CAMTA1: variants seen among roughly 807,000 people sequenced by gnomAD.
The protein encoded by CAMTA1 is calmodulin binding transcription activator 1, also known as calmodulin-binding transcription activator 1.
In CAMTA1, 27 loss-of-function variants were observed where a neutral mutation model predicts 170.9. The ratio of observed to expected loss-of-function variants is 0.16; its 90% CI spans 0.12 to 0.22. The LOEUF is 0.22. Ranked by LOEUF, CAMTA1 falls within the 10% of genes least tolerant of loss-of-function variation. The pLI is 1.00. For synonymous variants in CAMTA1, 833 were observed against 891.5 expected (o/e 0.93, Z 1.17); for missense variants, 1,619 against 2,217.2 (o/e 0.73, Z 5.42).
intron 5 of CAMTA1, among the ~76,000 whole-genome samples, chr1:7,439,740 C>T (rs1327165526): frequency 6.6e-6 from 1 of 152,204 alleles, no homozygotes; most frequent in Non-Finnish European, 1.5e-5. Flanking sequence ...GTGCAGGCCT[C>T]TAGGGTGCAG....
At position 6,785,790 on chromosome 1, in the gene CAMTA1, C is replaced by A. The variant is rs969013741; in HGVS notation, c.45+215C>A. Among the ~76,000 whole-genome samples, 7 of 138,232 alleles carry A rather than the reference C, an allele frequency of 5.1e-5. No individual in the cohort carries two copies. In the South Asian group the frequency reaches 1.6e-3, roughly 31 times the overall value. The allele number at this position is 138,232 out of a possible 152,430, so 90.7% of individuals were successfully genotyped here. ...TCGCGGGGCCGGCGGAGCGCGGCGCCCCACACCCCACCCCCGGGGGCGGGC... is the reference window on the plus strand; with the variant it reads ...TCGCGGGGCCGGCGGAGCGCGGCGCACCACACCCCACCCCCGGGGGCGGGC... On this transcript the variant is annotated intron_variant, in intron 1 of 22. Coordinates refer to ENST00000303635, the MANE Select transcript of CAMTA1 (RefSeq NM_015215.4).
In CAMTA1 at chr1:7,455,009, A is replaced by G. The variant is rs570579988; in HGVS notation, c.439-12821A>G. On this transcript the variant is annotated intron_variant, in intron 5 of 22. Transcript: ENST00000303635. This position sits in a 1 kb window ranked among gnomAD's most constrained non-coding sequence, Gnocchi z 5.0. ...AGACTGAGTGATTCAGCTGGGGTTC[A>G]TCCCCCTGCTCCGTGCCAGAGCCTC... Among the ~76,000 whole-genome samples the G allele has an allele frequency of 6.6e-6, 1 of 152,238 alleles. No homozygotes were observed. Among genetic ancestry groups the G allele is most frequent in the South Asian group, 2.1e-4 (1 of 4,814 alleles).
At chr1:7,175,394 A>T (rs114979670) in intron 4 of CAMTA1, among the ~76,000 whole-genome samples, 5,175 of 152,290 alleles carry the variant, frequency 0.034, 286 homozygotes, top group African/African-American at 0.12. Context: ...AACCTGCTTA[A>T]CTCTTCAAGA....
At chr1:7,490,016 C>T (rs1046509017) in intron 6 of CAMTA1, among the ~76,000 whole-genome samples, 2 of 152,188 alleles carry the variant, frequency 1.3e-5, no homozygotes, top group Non-Finnish European at 2.9e-5. Flanking sequence ...TCTCACAGGC[C>T]TGCTCTGTGG....
chr1:7,382,071 T>A (rs1355599448), intron 5 of CAMTA1, among the ~76,000 whole-genome samples: 1 of 152,216 alleles, frequency 6.6e-6, no homozygotes, highest in Non-Finnish European at 1.5e-5. Context: ...CAAGCCATAG[T>A]GCCTGCATTC....
intron 8 of CAMTA1, among the ~76,000 whole-genome samples, chr1:7,662,639 C>T (rs753762471): frequency 6.6e-6 from 1 of 152,186 alleles, no homozygotes. Flanking sequence ...AGCTCAGAAA[C>T]GTTCGGCTCC....
At chr1:6,937,750 A>G (rs1415258939) in intron 3 of CAMTA1, among the ~76,000 whole-genome samples, 2 of 151,408 alleles carry the variant, frequency 1.3e-5, no homozygotes, top group African/African-American at 4.9e-5. Flanking sequence ...CACCATCATA[A>G]TCATCACTAT....
chr1:7,185,752 C>T (rs1653126265), intron 4 of CAMTA1, among the ~76,000 whole-genome samples: 1 of 152,164 alleles, frequency 6.6e-6, no homozygotes, highest in Admixed American at 6.5e-5. Flanking sequence ...AAATGTACAA[C>T]CTGAACCTAA....
intron 17 of CAMTA1, among the ~76,000 whole-genome samples, 168 bp from the exon 18 acceptor site, chr1:7,745,677 A>G (rs1372083659): frequency 1.3e-5 from 2 of 152,200 alleles, no homozygotes; most frequent in African/African-American, 2.4e-5. Context: ...AACTTACTCA[A>G]TCGAAGGACA....
chr1:7,546,236 G>T (rs893145588), intron 6 of CAMTA1, among the ~76,000 whole-genome samples: 1 of 152,144 alleles, frequency 6.6e-6, no homozygotes, highest in African/African-American at 2.4e-5. Flanking sequence ...GATTACAGGC[G>T]TGAGCCACTG....
At position 7,293,102 on chromosome 1, in the gene CAMTA1, C is replaced by T. The variant is rs569203444; in HGVS notation, c.438+43476C>T. Among the ~76,000 whole-genome samples the T allele has an allele frequency of 1.3e-5, 2 of 152,304 alleles. No homozygotes were observed. Among genetic ancestry groups the T allele is most frequent in the South Asian group, 4.1e-4 (2 of 4,820 alleles). ...AGCTTCCAGAGCCCAGGCTTCGTTG[C>T]TTTTCTGCTGTATTCCTGCCCCCTT... On this transcript the variant is annotated intron_variant, in intron 5 of 22. Coordinates refer to ENST00000303635, the MANE Select transcript of CAMTA1 (RefSeq NM_015215.4). The surrounding 1 kb of genome is among the most constrained non-coding windows in gnomAD (Gnocchi z 4.1).
At chr1:7,675,747 C>G (rs1043781286) in intron 10 of CAMTA1, among the ~76,000 whole-genome samples, 4 of 152,094 alleles carry the variant, frequency 2.6e-5, no homozygotes, top group African/African-American at 9.7e-5. Flanking sequence ...AGATGGAGAG[C>G]AATGGATGGA....
rs70987364 is a variant in CAMTA1 at position 7,688,011 on chromosome 1, C to CTTTTTTTTTTTT, written c.2914+10284_2914+10295dup. On this transcript the variant is annotated intron_variant, in intron 11 of 22. Coordinates refer to ENST00000303635, the MANE Select transcript of CAMTA1 (RefSeq NM_015215.4). ...CGATTACGTCGGACTCTCATTATTC[C>CTTTTTTTTTTTT]TTTTTTTTTTTTTTTTTGGCAGAGT... 5.5e-3 allele frequency among the ~76,000 whole-genome samples: 571 copies of CTTTTTTTTTTTT among 103,198 alleles called. 29 individuals are homozygous for CTTTTTTTTTTTT. The highest frequency in any genetic ancestry group is 0.019 in the African/African-American group (521 of 26,860). The allele number at this position is 103,198 out of a possible 152,430, so 67.7% of individuals were successfully genotyped here. A position where few individuals can be genotyped will look rare whatever the true frequency, so the allele number is the denominator to read the frequency against.
chr1:7,403,504 T>G (rs1318197575), intron 5 of CAMTA1, among the ~76,000 whole-genome samples: 2 of 152,154 alleles, frequency 1.3e-5, no homozygotes, highest in Non-Finnish European at 2.9e-5. Flanking sequence ...AAGTACCTCC[T>G]GGAAGATGTA....
chr1:7,130,845 G>A (rs1573314159), intron 4 of CAMTA1, among the ~76,000 whole-genome samples: 1 of 151,882 alleles, frequency 6.6e-6, no homozygotes, highest in Non-Finnish European at 1.5e-5. Flanking sequence ...TTAAAAAATT[G>A]GAATGTATTC....
intron 5 of CAMTA1, among the ~76,000 whole-genome samples, chr1:7,440,660 T>A (rs2092498501): frequency 6.6e-6 from 1 of 152,148 alleles, no homozygotes; most frequent in Non-Finnish European, 1.5e-5. Context: ...GGTCCCCGGA[T>A]CCCAGCACCT....
Position 7,249,024 on chromosome 1 carries a change from GTTCTTAACA to G in CAMTA1, c.303-465_303-457del, listed in dbSNP as rs1303613300. On this transcript the variant is annotated intron_variant, in intron 4 of 22. Coordinates refer to ENST00000303635, the MANE Select transcript of CAMTA1 (RefSeq NM_015215.4). The surrounding 1 kb of genome is among the most constrained non-coding windows in gnomAD (Gnocchi z 4.4). The stretch of plus-strand genomic sequence containing the variant: ...CGGTGAACAGCTCTGCCATCGGTCT[GTTCTTAACA>G]TAGTCATCTAGCGTCTGCGTTAAAC... 1.3e-5 allele frequency among the ~76,000 whole-genome samples: 2 copies of G among 152,204 alleles called. No homozygotes were observed. The highest frequency in any genetic ancestry group is 1.5e-5 in the Non-Finnish European group (1 of 68,038).
At chr1:7,284,149 T>TTCTCCTTCTC (rs1671936650) in intron 5 of CAMTA1, among the ~76,000 whole-genome samples, 2 of 108,696 alleles carry the variant, frequency 1.8e-5, no homozygotes, top group African/African-American at 7.6e-5. Context: ...TTCTTCTTCT[T>TTCTCCTTCTC]CTTCTTCTTC....
intron 19 of CAMTA1, among the ~76,000 whole-genome samples, chr1:7,749,586 CAGAA>C (rs1173652064): frequency 2.7e-5 from 4 of 149,670 alleles, no homozygotes; most frequent in African/African-American, 9.8e-5. Context: ...GCTAGGAAGA[CAGAA>C]GGCATTATTT....
Sources: allele counts gnomAD v4.1 joint callset (sites outside exome capture counted in the v4.1 genomes callset), GRCh38; gene constraint gnomAD v4.1.1; non-coding constraint Gnocchi (gnomAD v3.1); transcripts MANE v1.5; gene names NCBI Gene and HGNC (gene_info 2026-07-23, HGNC 2026-07-21).